SLC19A1: variants seen among roughly 807,000 people sequenced by gnomAD.
The protein encoded by SLC19A1 is solute carrier family 19 member 1.
In SLC19A1, 37 loss-of-function variants were observed where a neutral mutation model predicts 35.3. The observed-to-expected ratio is 1.05, with a 90% confidence interval of 0.81 to 1.38. SLC19A1 has a LOEUF of 1.38. Among genes scored for constraint, SLC19A1 ranks in the 40% most tolerant of loss-of-function variants. The probability of loss-of-function intolerance (pLI) is 0.00; values close to 1 mark genes in which losing one functional copy is unlikely to be tolerated. For missense variants in SLC19A1, 831 were observed against 826.9 expected (o/e 1.00, Z -0.06); for synonymous variants, 460 against 398.5 (o/e 1.15, Z -1.84).
chr21:45,540,463 G>A lies in SLC19A1; in HGVS notation c.-50+1905C>T, dbSNP rs958979025. 1.3e-5 allele frequency among the ~76,000 whole-genome samples: 2 copies of A among 152,280 alleles called. No individual in the cohort carries two copies. Among genetic ancestry groups the A allele is most frequent in the African/African-American group, 4.8e-5 (2 of 41,556 alleles). On this transcript the variant is annotated intron_variant, in intron 1 of 5. Transcript: ENST00000311124. This position sits in a 1 kb window ranked among gnomAD's most constrained non-coding sequence, Gnocchi z 5.5. ...TCTGAAAGGTGCCACCTCCAGAAGC[G>A]ACCAGAACATTCCTTCCTTGGAGAG...
chr21:45,530,827 C>A lies in SLC19A1; in HGVS notation c.1094G>T (p.Cys365Phe). The A allele has an allele frequency of 6.5e-7, 1 of 1,550,328 alleles. No individual in the cohort carries two copies. The highest frequency in any genetic ancestry group is 8.7e-7 in the Non-Finnish European group (1 of 1,149,162). ...GCGGAACAGCACGAAGGCCGCATAG[C>A]ACAGCCAGATGCTGCTCGGGTGGCG... The part of the protein sequence containing the change: ...HTRHPSSIWL[C>F]YAAFVLFRGS... Residue 365 changes from cysteine to phenylalanine, a missense_variant, in exon 4 of 6, where the codon TGC becomes TTC. By Grantham distance (205) the Cys-to-Phe change is radical. Transcript: ENST00000311124. The surrounding 1 kb of genome is among the most constrained non-coding windows in gnomAD (Gnocchi z 5.3).
chr21:45,553,600 C>T (rs2146495479), intron 1 of SLC19A1, among the ~76,000 whole-genome samples: 1 of 149,054 alleles, frequency 6.7e-6, no homozygotes, highest in South Asian at 2.1e-4. Flanking sequence ...TGAAGCTCTG[C>T]ACCCAAGACA....
chr21:45,504,429 A>G, intron 3 of SLC19A1: 1 of 1,611,568 alleles, frequency 6.2e-7, no homozygotes, highest in East Asian at 2.2e-5. Context: ...GAGAAGGGAG[A>G]CCGAGGTGAT....
At chr21:45,509,632 C>T (rs1185372415), downstream of SLC19A1, 2 of 1,173,674 alleles carry the variant, frequency 1.7e-6, no homozygotes, top group East Asian at 2.5e-5. Context: ...GGCTTGGCTC[C>T]ATCTAGCCCC....
At chr21:45,507,760 T>C (rs2037310414), downstream of SLC19A1, among the ~76,000 whole-genome samples, 2 of 152,178 alleles carry the variant, frequency 1.3e-5, no homozygotes, top group Admixed American at 1.3e-4. Context: ...CCCCACTACC[T>C]CTGTCTCAGC....
intron 5 of SLC19A1, among the ~76,000 whole-genome samples, chr21:45,522,650 G>C (rs1037819649): frequency 1.3e-5 from 2 of 152,222 alleles, no homozygotes; most frequent in Non-Finnish European, 2.9e-5. Context: ...GCACTCAGCA[G>C]CAAGAAGGAA....
chr21:45,531,337 G>T, intron 3 of SLC19A1, 52 bp downstream of exon 3: 1 of 1,534,440 alleles, frequency 6.5e-7, no homozygotes, highest in Non-Finnish European at 8.8e-7. Flanking sequence ...GCAGGCGGAG[G>T]TGGACGGGAA....
At chr21:45,558,966 G>A (rs931665555) in intron 1 of SLC19A1, among the ~76,000 whole-genome samples, 1 of 151,794 alleles carries the variant, frequency 6.6e-6, no homozygotes, top group Non-Finnish European at 1.5e-5. Context: ...ACACCACCAC[G>A]CCCAGCTAAT....
intron 3 of SLC19A1, chr21:45,505,297 G>C: frequency 6.2e-7 from 1 of 1,606,924 alleles, no homozygotes; most frequent in South Asian, 1.1e-5. Flanking sequence ...GTGGGGAGTG[G>C]GCCCCGGGCA....
chr21:45,536,629 C>T (rs563763343), intron 2 of SLC19A1: 27 of 165,334 alleles, frequency 1.6e-4, no homozygotes, highest in Middle Eastern at 2.9e-3. Flanking sequence ...AAGGGCAGCA[C>T]CTCCACTGTC....
At chr21:45,532,300 C>T in intron 2 of SLC19A1, 152 bp from the exon 3 acceptor site, 1 of 648,818 alleles carries the variant, frequency 1.5e-6, no homozygotes, top group Non-Finnish European at 2.6e-6. Context: ...TCCCATGTCC[C>T]ACTGCATCGT....
chr21:45,506,827 C>G (rs79268468), intron 3 of SLC19A1: 1 of 169,156 alleles, frequency 5.9e-6, no homozygotes, highest in Non-Finnish European at 1.3e-5. Context: ...CCCTCCCTCT[C>G]GCCACCGGCC....
In SLC19A1 at chr21:45,529,916, TGTGA is replaced by T. The variant is rs553545976; in HGVS notation, c.1151+850_1151+853del. Among the ~76,000 whole-genome samples the T allele has an allele frequency of 2.1e-3, 316 of 150,126 alleles. 1 individual carries two copies. The highest frequency in any genetic ancestry group is 0.011 in the Middle Eastern group (3 of 282). ...TGTCTGTGAACATGTGGTGTGTCCC[TGTGA>T]GTGTGTGTGTGTCCGTGTGTAGTGT... On this transcript the variant is annotated intron_variant, in intron 4 of 5. Transcript: ENST00000311124.
chr21:45,523,428 C>T (rs1372428274), intron 5 of SLC19A1, among the ~76,000 whole-genome samples: 1 of 152,206 alleles, frequency 6.6e-6, no homozygotes, highest in Non-Finnish European at 1.5e-5. Context: ...GTCTCCCCCA[C>T]AGCCTCCACG....
rs767588697 is a variant in SLC19A1 at position 45,531,385 on chromosome 21, G to C, written c.949+4C>G. ...AGAAGCCTCGGGGACCAGGGCATGC[G>C]TACCCAGCAGCGTGGAGGCAGCATC... On this transcript the variant is annotated splice_donor_region_variant and intron_variant, in intron 3 of 5. Coordinates refer to ENST00000311124, the MANE Select transcript of SLC19A1 (RefSeq NM_194255.4). The C allele has an allele frequency of 5.1e-6, 8 of 1,570,476 alleles. No homozygotes were observed. In the Admixed American group the frequency reaches 1.4e-4, roughly 28 times the overall value.
chr21:45,508,036 G>T (rs2146106280), downstream of SLC19A1, among the ~76,000 whole-genome samples: 1 of 151,448 alleles, frequency 6.6e-6, no homozygotes, highest in Admixed American at 6.6e-5. Flanking sequence ...TGGGTGAGTG[G>T]ATACGTAGGT....
At chr21:45,509,772 C>A (rs1412157059), downstream of SLC19A1, among the ~76,000 whole-genome samples, 1 of 152,200 alleles carries the variant, frequency 6.6e-6, no homozygotes, top group Non-Finnish European at 1.5e-5. Flanking sequence ...GACTTGCCCT[C>A]TGGTGGCCAA....
At chr21:45,504,552 TTC>T in intron 3 of SLC19A1, 4 of 1,571,634 alleles carry the variant, frequency 2.5e-6, no homozygotes, top group Non-Finnish European at 3.4e-6. Flanking sequence ...TACCCTGGGA[TTC>T]CAGTAAGTCC....
chr21:45,560,225 G>A (rs1174784637), intron 1 of SLC19A1, among the ~76,000 whole-genome samples: 1 of 152,170 alleles, frequency 6.6e-6, no homozygotes, highest in Non-Finnish European at 1.5e-5. Context: ...ACCCCCCAAG[G>A]ACTCCTCCCA....
Sources: gnomAD v4.1 joint callset for allele counts (sites outside exome capture counted in the v4.1 genomes callset) on GRCh38, gnomAD v4.1.1 for gene constraint, Gnocchi (gnomAD v3.1) non-coding constraint, MANE v1.5 for transcripts, NCBI Gene and HGNC (gene_info 2026-07-23, HGNC 2026-07-21) for gene names.